Variants in ZNF331 observed in about 807,000 individuals in gnomAD.
ZNF331 encodes the protein zinc finger protein 331, also known as C2H2-like zinc finger protein rearranged in thyroid adenomas.
ZNF331 carries 2 observed loss-of-function variants against 7.0 expected under a neutral mutation model. The observed-to-expected ratio is 0.29, with a 90% CI of 0.12 to 0.90. The LOEUF is 0.90. Among genes scored for constraint, ZNF331 ranks in the 40% least tolerant of loss-of-function variants. The pLI is 0.58. For synonymous variants in ZNF331, 196 were observed against 205.4 expected (o/e 0.95, Z 0.39); for missense variants, 432 against 587.7 (o/e 0.74, Z 2.74).
In ZNF331 at chr19:53,573,699, G is replaced by A. The variant is rs2090571473; in HGVS notation, c.136+1969G>A. Among the ~76,000 whole-genome samples, 1 of 152,026 alleles carries A rather than the reference G, an allele frequency of 6.6e-6. No homozygotes were observed. The highest frequency in any genetic ancestry group is 1.5e-5 in the Non-Finnish European group (1 of 68,014). On this transcript the variant is annotated intron_variant, in intron 5 of 5. Coordinates refer to ENST00000449416, the MANE Select transcript of ZNF331 (RefSeq NM_001079906.2). The surrounding 1 kb of genome is among the most constrained non-coding windows in gnomAD (Gnocchi z 4.2). ...GTCCAAGCTGATCTTGAACTCCTGG[G>A]CTAAAGGAATCCACCCACCTCAGCC...
the ZNF331 span, among the ~76,000 whole-genome samples, chr19:53,507,006 T>C: frequency 6.6e-6 from 1 of 152,172 alleles, no homozygotes; most frequent in Non-Finnish European, 1.5e-5. Context: ...TCTTCCTGTG[T>C]GGGGTGTGAT....
chr19:53,574,301 A>G (rs1008973438), intron 5 of ZNF331, among the ~76,000 whole-genome samples: 4 of 151,716 alleles, frequency 2.6e-5, no homozygotes, highest in Non-Finnish European at 4.4e-5. Context: ...AGACAACAAT[A>G]CGGAGGAAAG....
chr19:53,551,460 A>C (rs1453526846), intron 2 of ZNF331, among the ~76,000 whole-genome samples: 3 of 152,174 alleles, frequency 2.0e-5, no homozygotes. Flanking sequence ...ACCTGTGAGC[A>C]TGTGGGGATG....
At chr19:53,526,842 G>A (rs1380479173) in intron 2 of ZNF331, among the ~76,000 whole-genome samples, 8 of 150,578 alleles carry the variant, frequency 5.3e-5, no homozygotes, top group South Asian at 4.3e-4. Flanking sequence ...GTGAGCCACC[G>A]CGCCTGGCCC....
At chr19:53,532,484 A>G (rs1344109761) in intron 2 of ZNF331, among the ~76,000 whole-genome samples, 2 of 152,156 alleles carry the variant, frequency 1.3e-5, no homozygotes, top group Non-Finnish European at 2.9e-5. Flanking sequence ...CCATTCCTCT[A>G]CAGATTAACA....
At chr19:53,562,160 A>C (rs755404745) in intron 3 of ZNF331, among the ~76,000 whole-genome samples, 2 of 152,042 alleles carry the variant, frequency 1.3e-5, no homozygotes, top group Non-Finnish European at 2.9e-5. Context: ...AAAATAAGAT[A>C]AAATAGCTAG....
intron 4 of ZNF331, among the ~76,000 whole-genome samples, chr19:53,569,958 T>TA (rs1385630073): frequency 6.6e-6 from 1 of 151,558 alleles, no homozygotes; most frequent in Non-Finnish European, 1.5e-5. Flanking sequence ...CCTTATCCTC[T>TA]AAATCAGAAA....
At chr19:53,542,378 A>G (rs934030445) in intron 2 of ZNF331, among the ~76,000 whole-genome samples, 2 of 152,240 alleles carry the variant, frequency 1.3e-5, no homozygotes, top group African/African-American at 2.4e-5. Flanking sequence ...GGACATCACA[A>G]TAATCACCCA....
In ZNF331 at chr19:53,571,324, G is replaced by T. The variant is rs185533709; in HGVS notation, c.10-280G>T. ...CGTAGCAGACACTGCTTGTAAGCAAGAAGAAAACTTGGATTGTTTTATCCA... is the reference window on the plus strand; with the variant it reads ...CGTAGCAGACACTGCTTGTAAGCAATAAGAAAACTTGGATTGTTTTATCCA... On this transcript the variant is annotated intron_variant, in intron 4 of 5. Transcript: ENST00000449416. This position sits in a 1 kb window ranked among gnomAD's most constrained non-coding sequence, Gnocchi z 4.7. 2.2e-3 allele frequency among the ~76,000 whole-genome samples: 334 copies of T among 152,318 alleles called. 1 individual carries two copies. Among genetic ancestry groups the T allele is most frequent in the African/African-American group, 7.8e-3 (325 of 41,574 alleles).
At chr19:53,535,018 CAAAAAA>C (rs59509834), upstream of ZNF331, among the ~76,000 whole-genome samples, 1,396 of 127,316 alleles carry the variant, frequency 0.011, 21 homozygotes, top group African/African-American at 0.038. Flanking sequence ...AGCCTGTAAC[CAAAAAA>C]AAAAAAAAAA....
intron 2 of ZNF331, among the ~76,000 whole-genome samples, chr19:53,543,870 A>G (rs1363547243): frequency 6.6e-6 from 1 of 152,176 alleles, no homozygotes; most frequent in Non-Finnish European, 1.5e-5. Context: ...AATTTCATCA[A>G]AACATCTCTG....
intron 2 of ZNF331, among the ~76,000 whole-genome samples, chr19:53,531,865 A>G (rs940251610): frequency 9.9e-5 from 15 of 152,066 alleles, no homozygotes; most frequent in South Asian, 2.1e-4. Flanking sequence ...TTTTTTCTGT[A>G]AAACGTTCAG....
chr19:53,573,292 G>A lies in ZNF331; in HGVS notation c.136+1562G>A, dbSNP rs951360244. On this transcript the variant is annotated intron_variant, in intron 5 of 5. Transcript: ENST00000449416. The surrounding 1 kb of genome is among the most constrained non-coding windows in gnomAD (Gnocchi z 4.2). ...ACAAGACTGGCAGGCCAAGGCAGAC[G>A]GATCACGAAGATAGGAGTTCGAGAC... Among the ~76,000 whole-genome samples the A allele has an allele frequency of 6.6e-6, 1 of 151,424 alleles. No individual in the cohort carries two copies. Among genetic ancestry groups the A allele is most frequent in the Non-Finnish European group, 1.5e-5 (1 of 67,924 alleles).
At chr19:53,525,208 A>T (rs943918508) in intron 2 of ZNF331, among the ~76,000 whole-genome samples, 3 of 152,156 alleles carry the variant, frequency 2.0e-5, no homozygotes, top group African/African-American at 7.2e-5. Context: ...TGATGCCTCC[A>T]GCTTTGTTCT....
At chr19:53,569,109 G>A (rs939227580) in intron 3 of ZNF331, among the ~76,000 whole-genome samples, 195 bp from the exon 4 acceptor site, 37 of 151,960 alleles carry the variant, frequency 2.4e-4, no homozygotes, top group African/African-American at 8.7e-4. Context: ...ACCCACCTCG[G>A]CCTCCCAAAG....
At chr19:53,531,281 A>C (rs957973147) in intron 2 of ZNF331, among the ~76,000 whole-genome samples, 2 of 152,186 alleles carry the variant, frequency 1.3e-5, no homozygotes, top group Non-Finnish European at 2.9e-5. Flanking sequence ...TTCTCACTAT[A>C]ACAACTTATC....
At chr19:53,566,316 AGAGTTTT>A (rs1178127905) in intron 3 of ZNF331, among the ~76,000 whole-genome samples, 1 of 152,108 alleles carries the variant, frequency 6.6e-6, no homozygotes, top group Non-Finnish European at 1.5e-5. Flanking sequence ...GTTTTGGGTC[AGAGTTTT>A]GCTCTTTCGT....
intron 1 of ZNF331, among the ~76,000 whole-genome samples, chr19:53,522,357 C>T (rs2087119113): frequency 1.3e-5 from 2 of 151,742 alleles, no homozygotes; most frequent in South Asian, 4.2e-4. Context: ...CTGCCTCAGC[C>T]TCCCAAGTAG....
chr19:53,572,084 C>A (rs898277742), intron 5 of ZNF331, among the ~76,000 whole-genome samples: 1 of 152,128 alleles, frequency 6.6e-6, no homozygotes, highest in African/African-American at 2.4e-5. Context: ...TAGGGACCCA[C>A]GTCTAGGGAA....
Sources: gnomAD v4.1 joint callset for allele counts (sites outside exome capture counted in the v4.1 genomes callset) on GRCh38, gnomAD v4.1.1 for gene constraint, Gnocchi (gnomAD v3.1) non-coding constraint, MANE v1.5 for transcripts, NCBI Gene and HGNC (gene_info 2026-07-23, HGNC 2026-07-21) for gene names.